Variants in ARHGAP39 observed in about 807,000 individuals in gnomAD.
ARHGAP39 encodes rho GTPase-activating protein 39.
Under a neutral mutation model 106.9 loss-of-function variants are expected in ARHGAP39, and 44 were observed. The ratio of observed to expected loss-of-function variants is 0.41; its 90% CI spans 0.32 to 0.53. The LOEUF (loss-of-function observed/expected upper bound fraction) is 0.53. Ranked by LOEUF, ARHGAP39 falls within the 20% of genes least tolerant of loss-of-function variation. The probability of loss-of-function intolerance (pLI) is 0.21; values close to 1 mark genes in which losing one functional copy is unlikely to be tolerated. For synonymous variants in ARHGAP39, 768 were observed against 693.2 expected (o/e 1.11, Z -1.69); for missense variants, 1,496 against 1,577.3 (o/e 0.95, Z 0.87).
chr8:144,695,921 TGAG>T, the ARHGAP39 span, among the ~76,000 whole-genome samples: 3 of 152,126 alleles, frequency 2.0e-5, no homozygotes, highest in Admixed American at 6.6e-5. Context: ...GTTAAATCCT[TGAG>T]GAAGGGGCTG....
intron 3 of ARHGAP39, among the ~76,000 whole-genome samples, chr8:144,558,194 T>C (rs1460682873): frequency 6.6e-6 from 1 of 152,232 alleles, no homozygotes; most frequent in Non-Finnish European, 1.5e-5. Flanking sequence ...AAGACTTGAA[T>C]ACATAACAGA....
At chr8:144,560,246 C>T (rs1818092073) in intron 3 of ARHGAP39, among the ~76,000 whole-genome samples, 1 of 152,188 alleles carries the variant, frequency 6.6e-6, no homozygotes, top group Admixed American at 6.5e-5. Context: ...CCAGCCTGGC[C>T]AACATGGTGA....
chr8:144,588,770 A>G (rs1028152849), intron 2 of ARHGAP39, among the ~76,000 whole-genome samples: 7 of 152,256 alleles, frequency 4.6e-5, no homozygotes, highest in Admixed American at 4.6e-4. Flanking sequence ...CTGGGCCACC[A>G]TGGCCAACGT....
chr8:144,689,324 T>G (rs1822697031), upstream of ARHGAP39, among the ~76,000 whole-genome samples: 1 of 152,056 alleles, frequency 6.6e-6, no homozygotes, highest in South Asian at 2.1e-4. Context: ...TTACAGCTTC[T>G]CTGCGTTCTC....
chr8:144,539,410 C>T (rs985965740), intron 6 of ARHGAP39, among the ~76,000 whole-genome samples: 7 of 152,230 alleles, frequency 4.6e-5, no homozygotes, highest in African/African-American at 7.2e-5. Context: ...TTAATTTTGA[C>T]GAAGTCCAAT....
At position 144,581,082 on chromosome 8, in the gene ARHGAP39, C is replaced by T; in HGVS notation, c.276G>A (p.Trp92Ter). Residue 92 changes from tryptophan (W) to a stop codon, truncating the protein, a stop_gained, in exon 3 of 12, where the codon TGG becomes TGA. Coordinates refer to ENST00000377307, the MANE Select transcript of ARHGAP39 (RefSeq NM_025251.3). LOFTEE classifies it high-confidence loss of function. Reference protein sequence around the residue: ...YYNASTQRTVWHRPQGCDIIP... With the variant: ...YYNASTQRTV ...TGATGTCGCAGCCCTGCGGCCGGTG[C>T]CACACCGTGCGCTGCGTGCTGGCAT... 6.3e-7 allele frequency: 1 copy of T among 1,589,200 alleles called. No individual in the cohort carries two copies. Among genetic ancestry groups the T allele is most frequent in the Non-Finnish European group, 8.6e-7 (1 of 1,168,756 alleles).
chr8:144,678,510 G>A (rs896094876), intron 1 of ARHGAP39, among the ~76,000 whole-genome samples: 15 of 152,276 alleles, frequency 9.9e-5, no homozygotes, highest in African/African-American at 2.6e-4. Flanking sequence ...AAGGAGGGAC[G>A]CCAAGAAAGA....
intron 6 of ARHGAP39, among the ~76,000 whole-genome samples, chr8:144,542,357 CA>C (rs1376575530): frequency 7.2e-4 from 109 of 152,326 alleles, no homozygotes; most frequent in African/African-American, 2.6e-3. Flanking sequence ...GTGGTGACCA[CA>C]CAGTGCAGGT....
chr8:144,677,407 A>T (rs1278573581), intron 1 of ARHGAP39, among the ~76,000 whole-genome samples: 1 of 152,270 alleles, frequency 6.6e-6, no homozygotes, highest in Non-Finnish European at 1.5e-5. Flanking sequence ...GCAGAAATAA[A>T]GACACTAAGA....
chr8:144,677,602 A>G (rs999187475), intron 1 of ARHGAP39, among the ~76,000 whole-genome samples: 1 of 152,250 alleles, frequency 6.6e-6, no homozygotes, highest in African/African-American at 2.4e-5. Context: ...AATGTACCGG[A>G]AAATGTACTG....
rs1586635742 is a variant in ARHGAP39 at position 144,647,149 on chromosome 8, C to T, written c.-82+38537G>A. On this transcript the variant is annotated intron_variant, in intron 1 of 11. Coordinates refer to ENST00000377307, the MANE Select transcript of ARHGAP39 (RefSeq NM_025251.3). The surrounding 1 kb of genome is among the most constrained non-coding windows in gnomAD (Gnocchi z 4.8). The stretch of plus-strand genomic sequence containing the variant: ...ATGCCCGGCTAATTTTTGTATTTTT[C>T]GTAGAGACGGGGTTTCACCATGTTA... Among the ~76,000 whole-genome samples, 1 of 151,518 alleles carries T rather than the reference C, an allele frequency of 6.6e-6. No individual in the cohort carries two copies. The highest frequency in any genetic ancestry group is 1.5e-5 in the Non-Finnish European group (1 of 67,824).
In ARHGAP39 at chr8:144,530,459, T is replaced by C; in HGVS notation, c.3308A>G (p.Gln1103Arg). 1.9e-6 allele frequency: 3 copies of C among 1,610,552 alleles called. No homozygotes were observed. Among genetic ancestry groups the C allele is most frequent in the Non-Finnish European group, 2.5e-6 (3 of 1,178,794 alleles). The change falls in exon 12 of 12, where the codon CAG becomes CGG. Residue 1103 changes from glutamine to arginine, a missense_variant. By Grantham distance (43) the Gln-to-Arg change is conservative. Around this residue, in one of 4 missense-constraint regions of ARHGAP39, gnomAD observed 470 missense variants for 605.1 expected, o/e 0.78. Transcript: ENST00000377307. ...CTCCATGAAGCTGGTGTCCAGGTGC[T>C]GGATGAGCACCCGCAGGAAGGACAT... ...KEMSFLRVLI[Q>R]HLDTSFMEGV...
chr8:144,608,742 C>G (rs41286689), intron 1 of ARHGAP39, among the ~76,000 whole-genome samples: 4,380 of 152,284 alleles, frequency 0.029, 101 homozygotes, highest in Admixed American at 0.067. Flanking sequence ...AAACATCTCT[C>G]TCTAGTTGGG....
chr8:144,541,342 C>A (rs1173254218), intron 6 of ARHGAP39, among the ~76,000 whole-genome samples: 1 of 152,192 alleles, frequency 6.6e-6, no homozygotes, highest in Non-Finnish European at 1.5e-5. Context: ...AGCTGTTCTT[C>A]CTTTTCCATT....
intron 3 of ARHGAP39, among the ~76,000 whole-genome samples, chr8:144,568,858 C>T (rs966405937): frequency 3.3e-5 from 5 of 150,448 alleles, no homozygotes; most frequent in Admixed American, 6.6e-5. Context: ...TTAAAATGCT[C>T]GATTAGTGCA....
At chr8:144,654,569 G>C (rs2129659019) in intron 1 of ARHGAP39, among the ~76,000 whole-genome samples, 1 of 152,302 alleles carries the variant, frequency 6.6e-6, no homozygotes, top group African/African-American at 2.4e-5. Flanking sequence ...GCCTGCTGCT[G>C]CCATCACGCT....
chr8:144,607,352 T>C (rs769432744), intron 1 of ARHGAP39, among the ~76,000 whole-genome samples: 9 of 151,696 alleles, frequency 5.9e-5, no homozygotes, highest in Non-Finnish European at 1.2e-4. Flanking sequence ...TCAGAACCCA[T>C]GGCCTCCGGC....
chr8:144,692,076 AT>A, the ARHGAP39 span, among the ~76,000 whole-genome samples: 1 of 152,058 alleles, frequency 6.6e-6, no homozygotes, highest in Non-Finnish European at 1.5e-5. Context: ...TTACAAGCAG[AT>A]GGCATGAGGC....
chr8:144,637,073 C>T (rs1298633742), intron 1 of ARHGAP39, among the ~76,000 whole-genome samples: 1 of 152,254 alleles, frequency 6.6e-6, no homozygotes, highest in African/African-American at 2.4e-5. Flanking sequence ...TCTGTTTTCA[C>T]ACAGTGTGTG....
Sources: allele counts gnomAD v4.1 joint callset (sites outside exome capture counted in the v4.1 genomes callset), GRCh38; gene constraint gnomAD v4.1.1; regional missense constraint gnomAD v4.1.1; non-coding constraint Gnocchi (gnomAD v3.1); transcripts MANE v1.5; gene names NCBI Gene and HGNC (gene_info 2026-07-23, HGNC 2026-07-21).